The following KIF26B variants were observed in gnomAD, a reference collection of about 807,000 sequenced individuals.
The protein encoded by KIF26B is kinesin-like protein KIF26B.
In KIF26B, 63 loss-of-function variants were observed where a neutral mutation model predicts 151.2. That is an observed-to-expected ratio of 0.42 (90% CI 0.34 to 0.51). KIF26B has a LOEUF of 0.51. Ranked by LOEUF, KIF26B falls within the 20% of genes least tolerant of loss-of-function variation. The pLI, the probability that KIF26B is intolerant of heterozygous loss-of-function variation, is 0.07. For missense variants in KIF26B, 2,813 were observed against 2,913.6 expected, an observed-to-expected ratio of 0.97 and a Z score of 0.79; for synonymous variants, 1,357 against 1,262.1, an observed-to-expected ratio of 1.08 and a Z score of -1.59.
chr1:245,618,118 T>C (rs1296197162), intron 9 of KIF26B, among the ~76,000 whole-genome samples: 1 of 152,154 alleles, frequency 6.6e-6, no homozygotes, highest in Non-Finnish European at 1.5e-5. Context: ...CAATGGCACC[T>C]TGCCTCTGCC....
intron 5 of KIF26B, among the ~76,000 whole-genome samples, chr1:245,549,820 G>A (rs1271381339): frequency 1.3e-5 from 2 of 151,174 alleles, no homozygotes; most frequent in Admixed American, 6.6e-5. Flanking sequence ...TTGCTCTGTC[G>A]CCCAGGCTGG....
intron 12 of KIF26B, among the ~76,000 whole-genome samples, chr1:245,691,848 C>T (rs1047624156): frequency 6.6e-6 from 1 of 152,154 alleles, no homozygotes; most frequent in Non-Finnish European, 1.5e-5. Flanking sequence ...TCTTCTCATT[C>T]TTGGAGGTCC....
At chr1:245,394,535 A>G (rs1254275868) in intron 3 of KIF26B, among the ~76,000 whole-genome samples, 1 of 152,114 alleles carries the variant, frequency 6.6e-6, no homozygotes, top group Non-Finnish European at 1.5e-5. Flanking sequence ...AGGCAGGAGA[A>G]TTGCTTGAAC....
intron 4 of KIF26B, among the ~76,000 whole-genome samples, chr1:245,420,207 CT>C (rs1658452025): frequency 1.3e-5 from 2 of 152,128 alleles, no homozygotes; most frequent in African/African-American, 4.8e-5. Context: ...GGCAGGTTTT[CT>C]CCCCCGCTTC....
At chr1:245,603,223 G>A (rs2103146626) in intron 6 of KIF26B, among the ~76,000 whole-genome samples, 1 of 152,236 alleles carries the variant, frequency 6.6e-6, no homozygotes, top group East Asian at 1.9e-4. Context: ...GGGGTTGAGG[G>A]CAAGCCTGTA....
In KIF26B at chr1:245,249,641, C is replaced by A. The variant is rs534633396; in HGVS notation, c.465+92958C>A. Among the ~76,000 whole-genome samples, 699 of 152,148 alleles carry A rather than the reference C, an allele frequency of 4.6e-3. 5 individuals carry two copies. The highest frequency in any genetic ancestry group is 0.014 in the Middle Eastern group (4 of 294). On this transcript the variant is annotated intron_variant, in intron 2 of 14. Coordinates refer to ENST00000407071, the MANE Select transcript of KIF26B (RefSeq NM_018012.4). The stretch of plus-strand genomic sequence containing the variant: ...GGGACTACAGGTGCCCACCACCACG[C>A]CTGGCTAACTTTTGTATTTTTAGTA...
intron 5 of KIF26B, among the ~76,000 whole-genome samples, chr1:245,596,872 C>G (rs1182503278): frequency 6.6e-6 from 1 of 152,174 alleles, no homozygotes; most frequent in Non-Finnish European, 1.5e-5. Flanking sequence ...GCATTGACCC[C>G]TTTACCATTA....
At chr1:245,520,591 TCCATCCATCCACCCACCCAC>T (rs201421169) in intron 4 of KIF26B, among the ~76,000 whole-genome samples, 2 of 72,062 alleles carry the variant, frequency 2.8e-5, no homozygotes, top group Non-Finnish European at 7.5e-5. Context: ...CATCCATCCA[TCCATCCATCCACCCACCCAC>T]CCATCCATCC....
chr1:245,576,539 C>G (rs1427999137), intron 5 of KIF26B, among the ~76,000 whole-genome samples: 1 of 152,226 alleles, frequency 6.6e-6, no homozygotes, highest in Non-Finnish European at 1.5e-5. Context: ...GATTGTCACA[C>G]GTCCTGGTGA....
intron 4 of KIF26B, among the ~76,000 whole-genome samples, chr1:245,483,505 A>G (rs1660212459): frequency 6.6e-6 from 1 of 151,872 alleles, no homozygotes; most frequent in South Asian, 2.1e-4. Context: ...GCTACTTAAC[A>G]GCTGGTGTTG....
rs569592859 is a variant in KIF26B at position 245,664,896 on chromosome 1, G to T, written c.2258+18616G>T. Among the ~76,000 whole-genome samples, 4 of 152,066 alleles carry T rather than the reference G, an allele frequency of 2.6e-5. No homozygotes were observed. In the South Asian group the frequency reaches 8.3e-4, roughly 32 times the overall value. Reference sequence around the variant, plus strand: ...GCCTTACCTATATATTTACATATATGTTTATGTGCATTAACACATCAAACC... The same window carrying T: ...GCCTTACCTATATATTTACATATATTTTTATGTGCATTAACACATCAAACC... On this transcript the variant is annotated intron_variant, in intron 10 of 14. Coordinates refer to ENST00000407071, the MANE Select transcript of KIF26B (RefSeq NM_018012.4).
intron 2 of KIF26B, among the ~76,000 whole-genome samples, chr1:245,258,980 G>A (rs569723013): frequency 1.6e-4 from 25 of 152,278 alleles, no homozygotes; most frequent in Non-Finnish European, 2.4e-4. Flanking sequence ...GGTGCCCCTC[G>A]CTTCGTGCAA....
In KIF26B at chr1:245,166,017, A is replaced by G. The variant is rs558164818; in HGVS notation, c.465+9334A>G. Among the ~76,000 whole-genome samples the G allele has an allele frequency of 6.6e-6, 1 of 152,176 alleles. No individual in the cohort carries two copies. The highest frequency in any genetic ancestry group is 2.4e-5 in the African/African-American group (1 of 41,434). On this transcript the variant is annotated intron_variant, in intron 2 of 14. Coordinates refer to ENST00000407071, the MANE Select transcript of KIF26B (RefSeq NM_018012.4). The surrounding 1 kb of genome is among the most constrained non-coding windows in gnomAD (Gnocchi z 4.5). ...TATTATCTTAAAATGAAGAACTACA[A>G]TCAACAGACTTGCGTGCAAAACCAG...
At chr1:245,235,311 G>A (rs1449143098) in intron 2 of KIF26B, among the ~76,000 whole-genome samples, 1 of 152,246 alleles carries the variant, frequency 6.6e-6, no homozygotes, top group South Asian at 2.1e-4. Flanking sequence ...AGACATACGG[G>A]TTGGGTGTGG....
At position 245,611,960 on chromosome 1, in the gene KIF26B, G is replaced by A. The variant is rs906318855; in HGVS notation, c.2082G>A (p.Lys694=). The change falls in exon 9 of 15, where the codon AAG becomes AAA. Residue 694 remains lysine (K), a synonymous_variant. Transcript: ENST00000407071. ...ACATCTACCAGTACCGGATGGAGAA[G>A]AGCGGGAAAGGGGGAAGTAAGTCGG... ...TLHIYQYRME[K]SGKGGMSGGR... is the part of the protein sequence containing the mutation. The A allele has an allele frequency of 6.2e-7, 1 of 1,612,336 alleles. No individual in the cohort carries two copies. The highest frequency in any genetic ancestry group is 8.5e-7 in the Non-Finnish European group (1 of 1,178,652).
chr1:245,326,764 A>C (rs1326391507), intron 2 of KIF26B, among the ~76,000 whole-genome samples: 1 of 152,178 alleles, frequency 6.6e-6, no homozygotes, highest in African/African-American at 2.4e-5. Flanking sequence ...GTTCCTAAGA[A>C]TCATACTCGG....
chr1:245,484,450 G>A (rs1660232266), intron 4 of KIF26B, among the ~76,000 whole-genome samples: 1 of 151,760 alleles, frequency 6.6e-6, no homozygotes, highest in African/African-American at 2.4e-5. Context: ...TCCTAACCCT[G>A]TCCCTGGACA....
chr1:245,222,301 G>GT (rs1324189309), intron 2 of KIF26B, among the ~76,000 whole-genome samples: 5 of 152,120 alleles, frequency 3.3e-5, no homozygotes, highest in African/African-American at 9.7e-5. Context: ...GCCAGGTGTG[G>GT]TGGTGGGTGT....
At chr1:245,504,071 G>T (rs1256228827) in intron 4 of KIF26B, among the ~76,000 whole-genome samples, 2 of 152,160 alleles carry the variant, frequency 1.3e-5, no homozygotes, top group Non-Finnish European at 2.9e-5. Flanking sequence ...CAAGCTTTCT[G>T]TCATATCTTC....
Sources: gnomAD v4.1 joint callset for allele counts (sites outside exome capture counted in the v4.1 genomes callset) on GRCh38, gnomAD v4.1.1 for gene constraint, Gnocchi (gnomAD v3.1) non-coding constraint, MANE v1.5 for transcripts, NCBI Gene and HGNC (gene_info 2026-07-23, HGNC 2026-07-21) for gene names.